The following DHRS4L2 variants were observed in gnomAD, a reference collection of about 807,000 sequenced individuals.
DHRS4L2 encodes the protein dehydrogenase/reductase SDR family member 4-like 2.
In DHRS4L2, 22 loss-of-function variants were observed where a neutral mutation model predicts 23.9. The ratio of observed to expected loss-of-function variants is 0.92; its 90% confidence interval spans 0.66 to 1.31. The LOEUF (loss-of-function observed/expected upper bound fraction) is 1.31, where lower values mean the gene tolerates loss of function less well. Among genes scored for constraint, DHRS4L2 ranks in the 40% most tolerant of loss-of-function variants. DHRS4L2 has a pLI of 0.00. For missense variants in DHRS4L2, 385 were observed against 303.3 expected, an observed-to-expected ratio of 1.27 and a Z score of -2.00; for synonymous variants, 141 against 123.7, an observed-to-expected ratio of 1.14 and a Z score of -0.93.
chr14:23,974,530 G>A (rs185903642), intron 1 of DHRS4L2, among the ~76,000 whole-genome samples: 6 of 151,458 alleles, frequency 4.0e-5, no homozygotes, highest in Admixed American at 3.9e-4. Context: ...AAAGAGAGAA[G>A]AGTCAAATAG....
chr14:23,998,633 G>A (rs1470044769), intron 3 of DHRS4L2, among the ~76,000 whole-genome samples: 3 of 151,624 alleles, frequency 2.0e-5, no homozygotes, highest in African/African-American at 4.8e-5. Context: ...CAACTTTTCC[G>A]GAGCTTCTTC....
Position 23,990,254 on chromosome 14 carries a change from G to A in DHRS4L2, c.201G>A (p.Gln67=), listed in dbSNP as rs758600997. 1 of 1,612,854 alleles carries A rather than the reference G, an allele frequency of 6.2e-7. No homozygotes were observed. The highest frequency in any genetic ancestry group is 1.1e-5 in the South Asian group (1 of 90,914). The stretch of plus-strand genomic sequence containing the variant: ...TGGTCGTCAGCAGCCGGAAGCAGCA[G>A]AATGTGGACCAGGCGGTGGCCACGC... ...AHVVVSSRKQ[Q]NVDQAVATLQ... The change falls in exon 2 of 8, where the codon CAG becomes CAA. Residue 67 remains glutamine, a synonymous_variant. Coordinates refer to ENST00000335125, the MANE Select transcript of DHRS4L2 (RefSeq NM_198083.4).
chr14:23,992,071 G>T (rs1159144197), intron 2 of DHRS4L2, among the ~76,000 whole-genome samples: 4 of 151,626 alleles, frequency 2.6e-5, no homozygotes, highest in Admixed American at 6.6e-5. Flanking sequence ...GACCTTAAAA[G>T]GATATGGCCT....
intron 1 of DHRS4L2, among the ~76,000 whole-genome samples, chr14:23,974,780 C>T (rs1314569543): frequency 2.0e-5 from 3 of 151,792 alleles, no homozygotes; most frequent in Non-Finnish European, 4.4e-5. Context: ...CCAAAAAAGT[C>T]CAGGACCAGA....
rs571000190 is a variant in DHRS4L2, at chr14:23,990,205, G to C, written c.152G>C (p.Arg51Pro). The stretch of plus-strand genomic sequence containing the variant: ...AGGATCGGCTTCGCCATCGCCCGGC[G>C]TTTGGCCCAGGACAGGGCCCACGTG... Reference protein sequence around the residue: ...TDGIGFAIARRLAQDRAHVVV... With the variant: ...TDGIGFAIARPLAQDRAHVVV... The change falls in exon 2 of 8, where the codon CGT (arginine) becomes CCT (proline). Residue 51 changes from arginine (R) to proline (P), a missense_variant. By Grantham distance (103) the Arg-to-Pro change is moderately radical. Transcript: ENST00000335125. The C allele has an allele frequency of 6.2e-7, 1 of 1,612,794 alleles. No individual in the cohort carries two copies. Among genetic ancestry groups the C allele is most frequent in the Non-Finnish European group, 8.5e-7 (1 of 1,179,338 alleles).
At chr14:23,973,511 C>T (rs1004204208) in intron 1 of DHRS4L2, among the ~76,000 whole-genome samples, 22 of 151,790 alleles carry the variant, frequency 1.4e-4, no homozygotes, top group African/African-American at 3.6e-4. Flanking sequence ...CAAGAGTGAG[C>T]GAGGGCTGCC....
At chr14:23,995,304 C>T (rs2034358672) in intron 3 of DHRS4L2, among the ~76,000 whole-genome samples, 171 bp downstream of exon 3, 1 of 151,734 alleles carries the variant, frequency 6.6e-6, no homozygotes, top group Non-Finnish European at 1.5e-5. Flanking sequence ...GGCTCTTTCT[C>T]TGCCCTTCTC....
At chr14:23,982,635 G>T (rs950282235) in intron 1 of DHRS4L2, among the ~76,000 whole-genome samples, 1 of 151,510 alleles carries the variant, frequency 6.6e-6, no homozygotes, top group Non-Finnish European at 1.5e-5. Flanking sequence ...AACAGAGGCT[G>T]CATAAATAAC....
At chr14:23,988,699 A>T (rs1379411149), upstream of DHRS4L2, 1 of 1,131,340 alleles carries the variant, frequency 8.8e-7, no homozygotes, top group Non-Finnish European at 1.1e-6. Context: ...CCTACAGGCA[A>T]CTTGAACGGA....
At chr14:23,993,977 C>T (rs1203343632) in intron 2 of DHRS4L2, among the ~76,000 whole-genome samples, 1 of 151,650 alleles carries the variant, frequency 6.6e-6, no homozygotes, top group Non-Finnish European at 1.5e-5. Flanking sequence ...CCCTCCCAAA[C>T]ACAGAATAAG....
chr14:23,988,787 C>T (rs2034199962), upstream of DHRS4L2: 2 of 1,403,984 alleles, frequency 1.4e-6, no homozygotes, highest in Non-Finnish European at 1.9e-6. Flanking sequence ...GGCGGGGCGA[C>T]TGGCGGGCGG....
chr14:23,981,949 T>C (rs1594456519), intron 1 of DHRS4L2, among the ~76,000 whole-genome samples: 1 of 151,862 alleles, frequency 6.6e-6, no homozygotes, highest in Admixed American at 6.5e-5. Context: ...TGAACAAATG[T>C]ACAATCGTGT....
intron 1 of DHRS4L2, among the ~76,000 whole-genome samples, chr14:23,974,964 C>T (rs1479508445): frequency 6.6e-6 from 1 of 151,750 alleles, no homozygotes; most frequent in East Asian, 1.9e-4. Flanking sequence ...AAATTTTAGG[C>T]CAGTATCCCT....
At chr14:23,976,601 T>C (rs2033971648) in intron 1 of DHRS4L2, among the ~76,000 whole-genome samples, 1 of 151,830 alleles carries the variant, frequency 6.6e-6, no homozygotes, top group Non-Finnish European at 1.5e-5. Context: ...ACCCCATTAC[T>C]GGATATCTAC....
chr14:23,972,470 A>C (rs188507777), intron 1 of DHRS4L2, among the ~76,000 whole-genome samples: 1,694 of 152,054 alleles, frequency 0.011, 26 homozygotes, highest in African/African-American at 0.037. Flanking sequence ...TCATAAAGGC[A>C]GTGTGGACCC....
rs61729874 is a variant in DHRS4L2, at chr14:23,990,268, C to T, written c.215C>T (p.Ala72Val). The change falls in exon 2 of 8, where the codon GCG becomes GTG. Residue 72 changes from alanine to valine, a missense_variant. Physicochemically the swap from Ala to Val is moderately conservative, Grantham distance 64. Transcript: ENST00000335125. ...CGGAAGCAGCAGAATGTGGACCAGG[C>T]GGTGGCCACGCTGCAGGGGGAGGGG... ...SSRKQQNVDQ[A>V]VATLQGEGLS... The T allele has an allele frequency of 3.0e-3, 4,769 of 1,612,610 alleles. 185 individuals carry two copies. The African/African-American group carries it at 0.057, about 19-fold the overall frequency.
rs143012041 is a variant in DHRS4L2 at position 23,977,282 on chromosome 14, A to G, written c.-176+6950A>G. On this transcript the variant is annotated intron_variant, in intron 1 of 5. Coordinates refer to the DHRS4L2 transcript ENST00000534993. The stretch of plus-strand genomic sequence containing the variant: ...TAAAATTTAAATATTTCCTATTGCC[A>G]TCTGGATTTCTAGCTTCTGTTTAAA... Among the ~76,000 whole-genome samples, 165 of 151,852 alleles carry G rather than the reference A, an allele frequency of 1.1e-3. 3 individuals carry two copies. The South Asian group carries it at 0.016, about 14-fold the overall frequency.
chr14:23,994,503 C>T (rs1301256931), intron 2 of DHRS4L2, among the ~76,000 whole-genome samples: 1 of 151,644 alleles, frequency 6.6e-6, no homozygotes, highest in African/African-American at 2.4e-5. Flanking sequence ...GCCTGGGCAA[C>T]ATGGCAAGAC....
chr14:23,974,692 A>C lies in DHRS4L2; in HGVS notation c.-176+4360A>C, dbSNP rs1159922900. On this transcript the variant is annotated intron_variant, in intron 1 of 5. Coordinates refer to the DHRS4L2 transcript ENST00000534993. ...TGGACACATACACCTTCTGCAGACT[A>C]AATCAGGACGAAGTTGAATTGCTGA... is the stretch of plus-strand genomic sequence containing the variant. Among the ~76,000 whole-genome samples the C allele has an allele frequency of 2.0e-5, 3 of 151,968 alleles. No homozygotes were observed. In the East Asian group the frequency reaches 5.8e-4, roughly 29 times the overall value.
Sources: gnomAD v4.1 joint callset for allele counts (sites outside exome capture counted in the v4.1 genomes callset) on GRCh38, gnomAD v4.1.1 for gene constraint, MANE v1.5 for transcripts, NCBI Gene and HGNC (gene_info 2026-07-23, HGNC 2026-07-21) for gene names.